Variants in CPED1 observed in about 807,000 individuals in gnomAD.
CPED1 encodes the protein cadherin-like and PC-esterase domain-containing protein 1.
A neutral mutation model predicts 128.2 loss-of-function variants in CPED1; 114 were observed. The ratio of observed to expected loss-of-function variants is 0.89; its 90% CI spans 0.76 to 1.04. The LOEUF is 1.04. Among genes scored for constraint, CPED1 ranks in the 50% least tolerant of loss-of-function variants. CPED1 has a pLI of 0.00. For synonymous variants in CPED1, 462 were observed against 426.7 expected (o/e 1.08, Z -1.02); for missense variants, 1,211 against 1,207.1 (o/e 1.00, Z -0.05).
intron 4 of CPED1, among the ~76,000 whole-genome samples, chr7:121,053,735 T>G (rs1025582966): frequency 1.3e-5 from 2 of 152,230 alleles, no homozygotes; most frequent in Non-Finnish European, 2.9e-5. Flanking sequence ...TTCATAATTA[T>G]TAATTGGAAT....
chr7:121,254,009 G>A (rs1475590638), intron 18 of CPED1, among the ~76,000 whole-genome samples: 4 of 151,940 alleles, frequency 2.6e-5, no homozygotes, highest in Non-Finnish European at 4.4e-5. Flanking sequence ...GACCTTCAAG[G>A]CAGGAAACTA....
chr7:121,199,242 C>T (rs1183321220), intron 16 of CPED1, among the ~76,000 whole-genome samples: 1 of 152,004 alleles, frequency 6.6e-6, no homozygotes, highest in Admixed American at 6.6e-5. Context: ...GGACAGTCCA[C>T]ACATGGGGTA....
At chr7:121,136,913 G>A (rs1795796481) in intron 14 of CPED1, among the ~76,000 whole-genome samples, 1 of 151,674 alleles carries the variant, frequency 6.6e-6, no homozygotes, top group Non-Finnish European at 1.5e-5. Flanking sequence ...CAAAAGAAAA[G>A]AAAAAGAAAA....
At chr7:121,029,562 T>C (rs1794787726) in intron 3 of CPED1, among the ~76,000 whole-genome samples, 1 of 152,126 alleles carries the variant, frequency 6.6e-6, no homozygotes, top group Admixed American at 6.6e-5. Context: ...AGATAGCAAA[T>C]GTATCAGGAA....
intron 16 of CPED1, among the ~76,000 whole-genome samples, chr7:121,203,975 C>T (rs1222670148): frequency 6.6e-6 from 1 of 152,076 alleles, no homozygotes; most frequent in Non-Finnish European, 1.5e-5. Context: ...CCTGCATTTG[C>T]ACCTGCACTC....
chr7:121,282,301 T>C (rs1792478539), intron 22 of CPED1, among the ~76,000 whole-genome samples: 1 of 152,228 alleles, frequency 6.6e-6, no homozygotes, highest in Non-Finnish European at 1.5e-5. Context: ...ATTATTATTA[T>C]GCTTCAAAGG....
intron 3 of CPED1, among the ~76,000 whole-genome samples, chr7:121,040,779 G>GA (rs560739168): frequency 5.7e-4 from 87 of 151,916 alleles, no homozygotes; most frequent in Non-Finnish European, 1.0e-3. Flanking sequence ...CACCTTAAAG[G>GA]AAAAAAACTC....
chr7:121,021,630 C>T (rs1792445541), intron 3 of CPED1, among the ~76,000 whole-genome samples: 1 of 151,892 alleles, frequency 6.6e-6, no homozygotes, highest in Non-Finnish European at 1.5e-5. Flanking sequence ...AAAGTATAAG[C>T]ATTGAAGTAA....
intron 22 of CPED1, among the ~76,000 whole-genome samples, chr7:121,275,656 A>G (rs991748078): frequency 9.9e-5 from 15 of 152,156 alleles, no homozygotes; most frequent in Admixed American, 7.2e-4. Context: ...GACTCAGTCA[A>G]CAAAAACCAT....
At chr7:121,245,090 T>C (rs1433590413) in intron 18 of CPED1, among the ~76,000 whole-genome samples, 1 of 152,156 alleles carries the variant, frequency 6.6e-6, no homozygotes, top group Non-Finnish European at 1.5e-5. Flanking sequence ...CTCTCACACA[T>C]GAGCAAGACT....
intron 22 of CPED1, among the ~76,000 whole-genome samples, chr7:121,293,290 G>T (rs1792750182): frequency 6.6e-6 from 1 of 152,176 alleles, no homozygotes; most frequent in South Asian, 2.1e-4. Flanking sequence ...ATTCCCAGCG[G>T]TTTTGTTTAC....
At chr7:121,260,935 A>G (rs1407658861) in intron 18 of CPED1, among the ~76,000 whole-genome samples, 1 of 152,092 alleles carries the variant, frequency 6.6e-6, no homozygotes, top group Non-Finnish European at 1.5e-5. Context: ...TTATCTATTA[A>G]TACTACATGT....
chr7:121,177,404 T>C (rs1221262979), intron 16 of CPED1, among the ~76,000 whole-genome samples: 1 of 152,098 alleles, frequency 6.6e-6, no homozygotes, highest in African/African-American at 2.4e-5. Context: ...TTACAAGCTG[T>C]ATTTAAGTCA....
At chr7:121,202,556 A>T (rs1389978657) in intron 16 of CPED1, among the ~76,000 whole-genome samples, 1 of 151,982 alleles carries the variant, frequency 6.6e-6, no homozygotes, top group Non-Finnish European at 1.5e-5. Context: ...TTTTCTATAG[A>T]TTTTTTCTAC....
intron 4 of CPED1, 44 bp downstream of exon 4, chr7:121,047,037 A>G (rs1372458312): frequency 7.7e-6 from 9 of 1,169,372 alleles, no homozygotes; most frequent in East Asian, 2.4e-5. Flanking sequence ...AGCCCTACAG[A>G]TATTAACACT....
At chr7:121,278,437 C>T (rs1272824864) in intron 22 of CPED1, among the ~76,000 whole-genome samples, 1 of 152,156 alleles carries the variant, frequency 6.6e-6, no homozygotes, top group Non-Finnish European at 1.5e-5. Context: ...CTACTTGAAT[C>T]CGTACTTCTT....
chr7:121,044,648 C>CTTTTTTTTTTTTTTTTTTTTTTTTTTTTT lies in CPED1; in HGVS notation c.434-2238_434-2237insTTTTTTTTTTTTTTTTTTTTTTTTTTTTT, dbSNP rs35159862. Among the ~76,000 whole-genome samples, 310 of 69,456 alleles carry CTTTTTTTTTTTTTTTTTTTTTTTTTTTTT rather than the reference C, an allele frequency of 4.5e-3. 107 individuals carry two copies. Among genetic ancestry groups the CTTTTTTTTTTTTTTTTTTTTTTTTTTTTT allele is most frequent in the Admixed American group, 7.2e-3 (35 of 4,870 alleles). The allele number at this position is 69,456 out of a possible 152,430, so 45.6% of individuals were successfully genotyped here. A position where few individuals can be genotyped will look rare whatever the true frequency, so the allele number is the denominator to read the frequency against. On this transcript the variant is annotated intron_variant, in intron 3 of 22. Coordinates refer to ENST00000310396, the MANE Select transcript of CPED1 (RefSeq NM_024913.5). The stretch of plus-strand genomic sequence containing the variant: ...GATTGCTGAGAGCAGTGACTTTCTG[C>CTTTTTTTTTTTTTTTTTTTTTTTTTTTTT]TCTTTTTTTTTTTTTTTTTTTGCTA...
At chr7:121,162,049 G>A (rs1352857049) in intron 16 of CPED1, among the ~76,000 whole-genome samples, 1 of 152,168 alleles carries the variant, frequency 6.6e-6, no homozygotes, top group Non-Finnish European at 1.5e-5. Flanking sequence ...AACCATATGT[G>A]ATGGGCAGTA....
At chr7:121,251,479 G>A (rs1027618991) in intron 18 of CPED1, among the ~76,000 whole-genome samples, 3 of 152,058 alleles carry the variant, frequency 2.0e-5, no homozygotes, top group Non-Finnish European at 4.4e-5. Flanking sequence ...AATCAGGCAG[G>A]AGAAGGAAAT....
Sources: allele counts gnomAD v4.1 joint callset (sites outside exome capture counted in the v4.1 genomes callset), GRCh38; gene constraint gnomAD v4.1.1; transcripts MANE v1.5; gene names NCBI Gene and HGNC (gene_info 2026-07-23, HGNC 2026-07-21).